The following TCF4 variants were observed in gnomAD, a reference collection of about 807,000 sequenced individuals.
TCF4 encodes the protein SL3-3 enhancer factor 2.
TCF4 carries 3 observed loss-of-function variants against 82.1 expected under a neutral mutation model. The ratio of observed to expected loss-of-function variants is 0.04; its 90% CI spans 0.02 to 0.09. The LOEUF is 0.09. TCF4 is among the 10% of genes least tolerant of loss of function. The probability of loss-of-function intolerance (pLI) is 1.00; values close to 1 mark genes in which losing one functional copy is unlikely to be tolerated. For synonymous variants in TCF4, 276 were observed against 309.6 expected (o/e 0.89, Z 1.14); for missense variants, 518 against 852.7 (o/e 0.61, Z 4.89).
exon 1 of TCF4, chr18:55,635,897 T>C (rs2097735950): frequency 6.4e-7 from 1 of 1,570,848 alleles, no homozygotes; most frequent in East Asian, 2.4e-5. Context: ...TTAGAAAACA[T>C]GGTGTTGTTC....
chr18:55,281,712 CT>C (rs374898660), intron 8 of TCF4, among the ~76,000 whole-genome samples: 6,731 of 144,780 alleles, frequency 0.046, 279 homozygotes, highest in African/African-American at 0.11. Context: ...TATCCTTTTT[CT>C]TTTTTTTTTT....
At chr18:55,526,628 T>A (rs758546720) in intron 3 of TCF4, among the ~76,000 whole-genome samples, 16 of 152,170 alleles carry the variant, frequency 1.1e-4, no homozygotes, top group Non-Finnish European at 2.4e-4. Flanking sequence ...AAATGTTCTG[T>A]TCCACAGACA....
At chr18:55,599,676 G>A (rs561601760) in intron 2 of TCF4, among the ~76,000 whole-genome samples, 21 of 152,318 alleles carry the variant, frequency 1.4e-4, no homozygotes, top group African/African-American at 2.6e-4. Context: ...AGCCGAGATC[G>A]TGCCACTGCA....
chr18:55,586,962 TCCTA>T, intron 2 of TCF4, 79 bp downstream of exon 2: 1 of 1,210,856 alleles, frequency 8.3e-7, no homozygotes, highest in Non-Finnish European at 1.2e-6. Flanking sequence ...TCCTTTAGAT[TCCTA>T]CTGGTTTCTA....
At chr18:55,377,491 A>C (rs1045143744) in intron 6 of TCF4, among the ~76,000 whole-genome samples, 1 of 152,200 alleles carries the variant, frequency 6.6e-6, no homozygotes, top group Admixed American at 6.5e-5. Flanking sequence ...ATAGACCCAG[A>C]CTCAAGCACA....
At chr18:55,472,343 A>C (rs997038824) in intron 3 of TCF4, among the ~76,000 whole-genome samples, 1 of 152,240 alleles carries the variant, frequency 6.6e-6, no homozygotes, top group Non-Finnish European at 1.5e-5. Context: ...CCAAACGTAC[A>C]TTGAAGCCTT....
At chr18:55,310,876 T>C (rs2072159130) in intron 8 of TCF4, among the ~76,000 whole-genome samples, 1 of 152,186 alleles carries the variant, frequency 6.6e-6, no homozygotes, top group South Asian at 2.1e-4. Context: ...TTAGGATGAT[T>C]CAAGACAAAC....
chr18:55,269,795 A>G, intron 11 of TCF4, 36 bp downstream of exon 11: 1 of 1,612,448 alleles, frequency 6.2e-7, no homozygotes, highest in Non-Finnish European at 8.5e-7. Flanking sequence ...TCTGACACCA[A>G]TTGTTGGTAT....
intron 13 of TCF4, among the ~76,000 whole-genome samples, chr18:55,259,066 G>A (rs1205887175): frequency 6.6e-6 from 1 of 152,146 alleles, no homozygotes; most frequent in African/African-American, 2.4e-5. Context: ...GTGGCAATGT[G>A]AAACCTCCTG....
intron 8 of TCF4, among the ~76,000 whole-genome samples, chr18:55,285,753 C>T (rs958783291): frequency 1.3e-5 from 2 of 152,216 alleles, no homozygotes; most frequent in Admixed American, 1.3e-4. Flanking sequence ...GGACAGCTAT[C>T]ACAGTAAGCC....
At position 55,259,987 on chromosome 18, in the gene TCF4, T is replaced by C; in HGVS notation, c.1031A>G (p.Asn344Ser). ...PDHTNNSFSS[N>S]PSTPVGSPPS... The stretch of plus-strand genomic sequence containing the variant: ...AGGAGAGCCAACAGGAGTTGAAGGG[T>C]TTGATGAAAAGCTGTTGTTAGTGTG... Residue 344 changes from asparagine (N) to serine (S), a missense_variant, in exon 13 of 20, where the codon AAC becomes AGC. Around this residue, in one of 7 missense-constraint regions of TCF4, gnomAD observed 211 missense variants for 327.4 expected, o/e 0.64. Coordinates refer to ENST00000354452, the MANE Select transcript of TCF4 (RefSeq NM_001083962.2). 6.2e-7 allele frequency: 1 copy of C among 1,613,354 alleles called. No homozygotes were observed. The highest frequency in any genetic ancestry group is 8.5e-7 in the Non-Finnish European group (1 of 1,179,596).
At chr18:55,397,745 TGTTA>T (rs753526137) in intron 6 of TCF4, among the ~76,000 whole-genome samples, 1 of 152,188 alleles carries the variant, frequency 6.6e-6, no homozygotes, top group Non-Finnish European at 1.5e-5. Flanking sequence ...AATAACAGTA[TGTTA>T]GTTAGGCAAA....
At chr18:55,505,761 G>A (rs1235966492) in intron 3 of TCF4, among the ~76,000 whole-genome samples, 3 of 138,104 alleles carry the variant, frequency 2.2e-5, no homozygotes, top group African/African-American at 8.2e-5. Context: ...CCGAGATCCC[G>A]CCACTGCACT....
At chr18:55,238,700 C>T (rs893441763) in intron 15 of TCF4, among the ~76,000 whole-genome samples, 2 of 139,490 alleles carry the variant, frequency 1.4e-5, no homozygotes, top group Admixed American at 6.8e-5. Context: ...CAGCCTCTCT[C>T]CTCTCTCTGG....
chr18:55,458,520 ATTAAT>A (rs1467571254), intron 5 of TCF4, among the ~76,000 whole-genome samples: 1 of 152,184 alleles, frequency 6.6e-6, no homozygotes, highest in Non-Finnish European at 1.5e-5. Context: ...TCATTTGTAA[ATTAAT>A]TGTCGTTAAT....
At chr18:55,612,387 G>T (rs2097707915) in intron 2 of TCF4, among the ~76,000 whole-genome samples, 1 of 152,060 alleles carries the variant, frequency 6.6e-6, no homozygotes, top group Admixed American at 6.6e-5. Context: ...TGCTTTTAAG[G>T]AATTCCATAT....
At chr18:55,405,780 G>A (rs1159196572) in intron 5 of TCF4, among the ~76,000 whole-genome samples, 1 of 152,128 alleles carries the variant, frequency 6.6e-6, no homozygotes, top group African/African-American at 2.4e-5. Flanking sequence ...AGGGAGAGGA[G>A]GAGGAGAAGA....
At chr18:55,422,466 G>C in intron 5 of TCF4, 6 of 982,878 alleles carry the variant, frequency 6.1e-6, no homozygotes, top group Non-Finnish European at 7.2e-6. Context: ...TCTCATACTT[G>C]GGTCACAAAT....
chr18:55,563,984 T>C (rs1184637484), intron 3 of TCF4, among the ~76,000 whole-genome samples: 2 of 152,224 alleles, frequency 1.3e-5, no homozygotes, highest in East Asian at 1.9e-4. Context: ...GCAGATTCTA[T>C]TCAAAATATG....
Sources: allele counts gnomAD v4.1 joint callset (sites outside exome capture counted in the v4.1 genomes callset), GRCh38; gene constraint gnomAD v4.1.1; regional missense constraint gnomAD v4.1.1; transcripts MANE v1.5; gene names NCBI Gene and HGNC (gene_info 2026-07-23, HGNC 2026-07-21).